Variants in CDH12 observed in about 807,000 individuals in gnomAD.
CDH12 encodes cadherin-12.
In CDH12, 41 loss-of-function variants were observed where a neutral mutation model predicts 74.1. That is an observed-to-expected ratio of 0.55 (90% CI 0.43 to 0.72). The LOEUF (loss-of-function observed/expected upper bound fraction) is 0.72. Among genes scored for constraint, CDH12 ranks in the 30% least tolerant of loss-of-function variants. The pLI is 0.00. For missense variants in CDH12, 945 were observed against 977.2 expected, an observed-to-expected ratio of 0.97 and a Z score of 0.44; for synonymous variants, 399 against 355.0, an observed-to-expected ratio of 1.12 and a Z score of -1.39.
At chr5:22,297,481 G>C (rs1303647897) in intron 3 of CDH12, among the ~76,000 whole-genome samples, 1 of 152,142 alleles carries the variant, frequency 6.6e-6, no homozygotes, top group Non-Finnish European at 1.5e-5. Context: ...TATCTGATTA[G>C]AGTAGAATCA....
chr5:22,046,643 T>C (rs1739979288), intron 5 of CDH12, among the ~76,000 whole-genome samples: 1 of 151,992 alleles, frequency 6.6e-6, no homozygotes, highest in Non-Finnish European at 1.5e-5. Context: ...CTAAAATATA[T>C]ATAAAAAGCA....
intron 2 of CDH12, among the ~76,000 whole-genome samples, chr5:22,411,874 G>A (rs1580619946): frequency 6.6e-6 from 1 of 151,920 alleles, no homozygotes; most frequent in Non-Finnish European, 1.5e-5. Context: ...CTGTTGGCTT[G>A]ATGACTAAAT....
intron 2 of CDH12, among the ~76,000 whole-genome samples, chr5:22,477,942 C>T (rs1275427634): frequency 6.6e-6 from 1 of 152,072 alleles, no homozygotes; most frequent in African/African-American, 2.4e-5. Flanking sequence ...TTTCCATTAT[C>T]AGTTGTGTCT....
chr5:22,283,227 TATATATA>T (rs1736977323), intron 3 of CDH12, among the ~76,000 whole-genome samples: 10 of 41,806 alleles, frequency 2.4e-4, no homozygotes, highest in Admixed American at 1.4e-3. Flanking sequence ...GATATATATA[TATATATA>T]TATATATATA....
chr5:21,775,006 C>A (rs1745509259), intron 11 of CDH12, among the ~76,000 whole-genome samples: 1 of 152,164 alleles, frequency 6.6e-6, no homozygotes, highest in Non-Finnish European at 1.5e-5. Flanking sequence ...CCCAGAAAGT[C>A]TGATTCACCA....
At chr5:22,564,809 A>G (rs1206119724) in intron 1 of CDH12, among the ~76,000 whole-genome samples, 1 of 152,132 alleles carries the variant, frequency 6.6e-6, no homozygotes, top group Non-Finnish European at 1.5e-5. Flanking sequence ...TCTTTTAATG[A>G]TGGACATTTA....
At chr5:22,656,593 T>A (rs1740048137) in intron 1 of CDH12, among the ~76,000 whole-genome samples, 1 of 152,160 alleles carries the variant, frequency 6.6e-6, no homozygotes, top group Non-Finnish European at 1.5e-5. Flanking sequence ...GTAAATTGAT[T>A]TAAAAAAATT....
rs11323330 is a variant in CDH12 at position 22,046,430 on chromosome 5, C to CTTTTTTTTTT, written c.231+32006_231+32015dup. 9.8e-4 allele frequency among the ~76,000 whole-genome samples: 98 copies of CTTTTTTTTTT among 100,358 alleles called. 4 individuals are homozygous for CTTTTTTTTTT. The highest frequency in any genetic ancestry group is 3.2e-3 in the African/African-American group (75 of 23,404). The allele number at this position is 100,358 out of a possible 152,430, so 65.8% of individuals were successfully genotyped here. A position where few individuals can be genotyped will look rare whatever the true frequency, so the allele number is the denominator to read the frequency against. On this transcript the variant is annotated intron_variant, in intron 5 of 14. Transcript: ENST00000382254. ...GAGAAAGTCACTGGTCATTTAATTT[C>CTTTTTTTTTT]TTTTTTTTTTTTTTTTTTTTTTGAG...
intron 5 of CDH12, among the ~76,000 whole-genome samples, chr5:22,018,691 C>G (rs925270230): frequency 6.6e-6 from 1 of 152,186 alleles, no homozygotes; most frequent in Non-Finnish European, 1.5e-5. Flanking sequence ...ATAGCACTTT[C>G]TAGTGTTGTG....
chr5:22,491,721 T>C (rs1356903523), intron 2 of CDH12, among the ~76,000 whole-genome samples: 2 of 152,120 alleles, frequency 1.3e-5, no homozygotes, highest in East Asian at 3.9e-4. Flanking sequence ...CCTGGACCAC[T>C]GGCTGTGGGC....
At chr5:22,702,637 T>C (rs565156249) in intron 1 of CDH12, among the ~76,000 whole-genome samples, 73 of 152,140 alleles carry the variant, frequency 4.8e-4, no homozygotes, top group African/African-American at 1.7e-3. Context: ...AATATAGATA[T>C]TTTTTCCCCT....
At chr5:21,841,323 A>G (rs1429678205) in intron 8 of CDH12, among the ~76,000 whole-genome samples, 1 of 152,136 alleles carries the variant, frequency 6.6e-6, no homozygotes. Context: ...GTCTCACACC[A>G]GTTAGAATGG....
At chr5:22,194,381 G>C (rs1580384958) in intron 4 of CDH12, among the ~76,000 whole-genome samples, 1 of 148,994 alleles carries the variant, frequency 6.7e-6, no homozygotes, top group African/African-American at 2.5e-5. Flanking sequence ...TCCCAGGCTA[G>C]AGTTCAGTGG....
chr5:22,653,559 C>T (rs192678378), intron 1 of CDH12, among the ~76,000 whole-genome samples: 25 of 152,148 alleles, frequency 1.6e-4, no homozygotes, highest in African/African-American at 5.3e-4. Context: ...TGTATTCTGA[C>T]TCTCATATCA....
At chr5:22,836,215 T>C (rs7448659) in intron 1 of CDH12, among the ~76,000 whole-genome samples, 6 of 92,722 alleles carry the variant, frequency 6.5e-5, no homozygotes, top group South Asian at 4.2e-4. Flanking sequence ...CTTTTTTTCT[T>C]TCTTTCTCTT....
intron 2 of CDH12, among the ~76,000 whole-genome samples, chr5:22,409,586 T>C (rs895513730): frequency 4.6e-5 from 7 of 152,236 alleles, no homozygotes; most frequent in African/African-American, 1.7e-4. Flanking sequence ...CAAAAATCCA[T>C]GTTAACAACC....
At chr5:22,327,426 CTCTGTGTGTGTGTGTGTG>C (rs1402615953) in intron 3 of CDH12, among the ~76,000 whole-genome samples, 17 of 128,198 alleles carry the variant, frequency 1.3e-4, no homozygotes, top group African/African-American at 5.4e-4. Context: ...AAATTTGTGC[CTCTGTGTGTGTGTGTGTG>C]TGTGTGTGTG....
intron 4 of CDH12, among the ~76,000 whole-genome samples, chr5:22,108,245 G>T (rs1366868977): frequency 6.6e-6 from 1 of 152,122 alleles, no homozygotes; most frequent in Admixed American, 6.5e-5. Flanking sequence ...CCTTCTTGCG[G>T]GCTGCCATGT....
intron 6 of CDH12, among the ~76,000 whole-genome samples, chr5:21,956,160 T>A (rs1756085477): frequency 6.6e-6 from 1 of 151,948 alleles, no homozygotes; most frequent in East Asian, 1.9e-4. Flanking sequence ...TTACTTAAAT[T>A]AAATATAATA....
Sources: allele counts gnomAD v4.1 joint callset (sites outside exome capture counted in the v4.1 genomes callset), GRCh38; gene constraint gnomAD v4.1.1; transcripts MANE v1.5; gene names NCBI Gene and HGNC (gene_info 2026-07-23, HGNC 2026-07-21).